Variants in RIN3 observed in about 807,000 individuals in gnomAD.
RIN3 encodes the protein Ras and Rab interactor 3, also known as RAB5 interacting protein 3.
RIN3 carries 54 observed loss-of-function variants against 76.3 expected under a neutral mutation model. That is an observed-to-expected ratio of 0.71 (90% CI 0.57 to 0.89). The LOEUF (loss-of-function observed/expected upper bound fraction) is 0.89. Ranked by LOEUF, RIN3 falls within the 40% of genes least tolerant of loss-of-function variation. RIN3 has a pLI of 0.00. For missense variants in RIN3, 1,256 were observed against 1,322.1 expected (o/e 0.95, Z 0.78); for synonymous variants, 576 against 564.0 (o/e 1.02, Z -0.30).
In RIN3 at chr14:92,539,497, G is replaced by C. The variant is rs543891786; in HGVS notation, c.45-16254G>C. On this transcript the variant is annotated intron_variant, in intron 1 of 9. Transcript: ENST00000216487. The stretch of plus-strand genomic sequence containing the variant: ...CCTGGGATTCTAACCCAGGCTGCCT[G>C]GTTCTCAAGCCCATGCTTAAACCAT... Among the ~76,000 whole-genome samples the C allele has an allele frequency of 5.3e-5, 8 of 152,306 alleles. No homozygotes were observed. In the East Asian group the frequency reaches 1.5e-3, roughly 29 times the overall value.
chr14:92,653,535 C>T (rs1005207673), intron 6 of RIN3, among the ~76,000 whole-genome samples: 4 of 152,172 alleles, frequency 2.6e-5, no homozygotes, highest in Non-Finnish European at 5.9e-5. Flanking sequence ...TCATATGCAC[C>T]CAGATCCCTC....
Position 92,685,406 on chromosome 14 carries a change from G to C in RIN3, c.2631+256G>C. ...CTGGGCAAGCAGGAAGGGTGCAGGA[G>C]GAATGAGACACACCCATCATTCCTT... is the stretch of plus-strand genomic sequence containing the variant. On this transcript the variant is annotated intron_variant, in intron 9 of 9. Transcript: ENST00000216487. This position sits in a 1 kb window ranked among gnomAD's most constrained non-coding sequence, Gnocchi z 4.7. The C allele has an allele frequency of 2.0e-6, 1 of 494,838 alleles. No homozygotes were observed. The highest frequency in any genetic ancestry group is 2.7e-5 in the South Asian group (1 of 36,742). The allele number at this position is 494,838 out of a possible 1,614,324, so 30.7% of individuals were successfully genotyped here. A position where few individuals can be genotyped will look rare whatever the true frequency, so the allele number is the denominator to read the frequency against.
intron 1 of RIN3, among the ~76,000 whole-genome samples, chr14:92,547,023 A>G (rs1430623188): frequency 8.0e-6 from 1 of 125,176 alleles, no homozygotes; most frequent in Admixed American, 8.0e-5. Context: ...TTATTAATAT[A>G]ATTATTATTT....
chr14:92,561,912 C>T (rs1348705558), intron 2 of RIN3, among the ~76,000 whole-genome samples: 1 of 152,142 alleles, frequency 6.6e-6, no homozygotes, highest in African/African-American at 2.4e-5. Context: ...TCTTGAGCTC[C>T]TGGGCTCAAG....
intron 4 of RIN3, among the ~76,000 whole-genome samples, chr14:92,629,117 A>AAGAGAGAGAG (rs58288914): frequency 9.7e-4 from 141 of 145,370 alleles, no homozygotes; most frequent in Non-Finnish European, 1.8e-3. Context: ...CGGAAAGGAA[A>AAGAGAGAGAG]AGAGAGAGAG....
chr14:92,567,831 T>A, intron 2 of RIN3, among the ~76,000 whole-genome samples: 1 of 152,174 alleles, frequency 6.6e-6, no homozygotes, highest in East Asian at 1.9e-4. Context: ...TTAATAGTTG[T>A]CATTTATTTG....
At chr14:92,632,921 G>A (rs1231297001) in intron 4 of RIN3, among the ~76,000 whole-genome samples, 3 of 152,226 alleles carry the variant, frequency 2.0e-5, no homozygotes, top group Admixed American at 6.5e-5. Flanking sequence ...AGCCTTGAAC[G>A]CCGTGCCTAG....
intron 6 of RIN3, among the ~76,000 whole-genome samples, chr14:92,658,954 C>G (rs944086444): frequency 1.3e-5 from 2 of 152,210 alleles, no homozygotes; most frequent in African/African-American, 4.8e-5. Flanking sequence ...TTCCCAGGGG[C>G]TCCTGTGCCA....
chr14:92,608,228 T>G (rs1373237120), intron 3 of RIN3, among the ~76,000 whole-genome samples: 2 of 152,246 alleles, frequency 1.3e-5, no homozygotes, highest in Non-Finnish European at 2.9e-5. Context: ...TTCCGGGTTT[T>G]GACATTGTGC....
At chr14:92,578,418 C>G (rs755595646) in intron 3 of RIN3, among the ~76,000 whole-genome samples, 5 of 152,096 alleles carry the variant, frequency 3.3e-5, no homozygotes, top group Non-Finnish European at 5.9e-5. Context: ...GGGCACCCAT[C>G]TGTGCCAGCT....
chr14:92,515,393 C>T (rs1595381580), intron 1 of RIN3: 1 of 579,334 alleles, frequency 1.7e-6, no homozygotes, highest in South Asian at 2.1e-5. Context: ...TTCTCATTTT[C>T]CCCAGAGATG....
At chr14:92,565,579 C>T (rs1269455314) in intron 2 of RIN3, among the ~76,000 whole-genome samples, 1 of 152,190 alleles carries the variant, frequency 6.6e-6, no homozygotes, top group Non-Finnish European at 1.5e-5. Context: ...TAGGCATTTC[C>T]TGGAGCTAAG....
rs1163047952 is a variant in RIN3 at position 92,514,859 on chromosome 14, C to G, written c.44+883C>G. Reference sequence around the variant, plus strand: ...GTCGGAGGCGGATTCCCGGGGAAAGCCTATTTCTGGGTACCCAGGAGCGCG... The same window carrying G: ...GTCGGAGGCGGATTCCCGGGGAAAGGCTATTTCTGGGTACCCAGGAGCGCG... On this transcript the variant is annotated intron_variant, in intron 1 of 9. Coordinates refer to ENST00000216487, the MANE Select transcript of RIN3 (RefSeq NM_024832.5). This position sits in a 1 kb window ranked among gnomAD's most constrained non-coding sequence, Gnocchi z 7.2. Among the ~76,000 whole-genome samples the G allele has an allele frequency of 1.3e-5, 2 of 152,190 alleles. No individual in the cohort carries two copies. The highest frequency in any genetic ancestry group is 2.4e-5 in the African/African-American group (1 of 41,452).
chr14:92,647,351 A>G lies in RIN3; in HGVS notation c.533-4231A>G, dbSNP rs117459244. Among the ~76,000 whole-genome samples the G allele has an allele frequency of 1.9e-3, 283 of 152,356 alleles. 1 individual carries two copies. Among genetic ancestry groups the G allele is most frequent in the Middle Eastern group, 0.014 (4 of 294 alleles). On this transcript the variant is annotated intron_variant, in intron 5 of 9. Coordinates refer to ENST00000216487, the MANE Select transcript of RIN3 (RefSeq NM_024832.5). ...TTAGTCAAGGCCAGAAAACTAACAT[A>G]AGGAGGAGCAATTCAGCCCTCAACT...
chr14:92,538,084 CA>C (rs199762592), intron 1 of RIN3, among the ~76,000 whole-genome samples: 4,594 of 152,164 alleles, frequency 0.03, 227 homozygotes, highest in African/African-American at 0.1. Context: ...CTCGGCCTCC[CA>C]AAGTGCTGGG....
intron 3 of RIN3, among the ~76,000 whole-genome samples, chr14:92,610,518 C>T (rs1023777595): frequency 1.3e-5 from 2 of 152,224 alleles, no homozygotes; most frequent in Non-Finnish European, 2.9e-5. Flanking sequence ...CCTGCCCCGG[C>T]TGTAGTCCAA....
chr14:92,522,678 C>A (rs1193209774), intron 1 of RIN3, among the ~76,000 whole-genome samples: 5 of 152,130 alleles, frequency 3.3e-5, no homozygotes, highest in Non-Finnish European at 7.4e-5. Context: ...GTTTAGGGAC[C>A]ATTTCCTTGA....
At position 92,615,277 on chromosome 14, in the gene RIN3, A is replaced by T. The variant is rs1325567019; in HGVS notation, c.368-130A>T. 21 of 750,958 alleles carry T rather than the reference A, an allele frequency of 2.8e-5. No individual in the cohort carries two copies. In the African/African-American group the frequency reaches 3.4e-4, roughly 12 times the overall value. 46.5% of individuals were successfully genotyped at this position (750,958 alleles called of 1,614,324 possible). A position where few individuals can be genotyped will look rare whatever the true frequency, so the allele number is the denominator to read the frequency against. On this transcript the variant is annotated intron_variant, in intron 3 of 9. Transcript: ENST00000216487. ...GGCAGCTGATGTGTATGGGGGCCGCATGCAGCCCAGCATGGGACCCAGAAT... is the reference window on the plus strand; with the variant it reads ...GGCAGCTGATGTGTATGGGGGCCGCTTGCAGCCCAGCATGGGACCCAGAAT...
At chr14:92,554,015 C>A (rs1477890483) in intron 1 of RIN3, among the ~76,000 whole-genome samples, 1 of 152,168 alleles carries the variant, frequency 6.6e-6, no homozygotes, top group Non-Finnish European at 1.5e-5. Context: ...CTTCTGGAAC[C>A]AATGCCAACC....
Sources: allele counts gnomAD v4.1 joint callset (sites outside exome capture counted in the v4.1 genomes callset), GRCh38; gene constraint gnomAD v4.1.1; non-coding constraint Gnocchi (gnomAD v3.1); transcripts MANE v1.5; gene names NCBI Gene and HGNC (gene_info 2026-07-23, HGNC 2026-07-21).